SMG6: variants seen among roughly 807,000 people sequenced by gnomAD.
The protein encoded by SMG6 is telomerase-binding protein EST1A.
In SMG6, 66 loss-of-function variants were observed where a neutral mutation model predicts 142.2. The ratio of observed to expected loss-of-function variants is 0.46; its 90% CI spans 0.38 to 0.57. The LOEUF is 0.57. Ranked by LOEUF, SMG6 falls within the 20% of genes least tolerant of loss-of-function variation. SMG6 has a pLI of 0.00. For synonymous variants in SMG6, 779 were observed against 702.4 expected (o/e 1.11, Z -1.72); for missense variants, 1,793 against 1,832.0 (o/e 0.98, Z 0.39).
chr17:2,242,225 T>A (rs1193941908), intron 9 of SMG6, among the ~76,000 whole-genome samples: 1 of 151,842 alleles, frequency 6.6e-6, no homozygotes, highest in Non-Finnish European at 1.5e-5. Flanking sequence ...GAATAAAAGA[T>A]AAATAGGCCG....
In SMG6 at chr17:2,292,905, C is replaced by A; in HGVS notation, c.2224G>T (p.Ala742Ser). 6.2e-7 allele frequency: 1 copy of A among 1,614,158 alleles called. No homozygotes were observed. Among genetic ancestry groups the A allele is most frequent in the Non-Finnish European group, 8.5e-7 (1 of 1,180,008 alleles). The change falls in exon 5 of 19, where the codon GCC (alanine) becomes TCC (serine). Residue 742 changes from alanine (A) to serine (S), a missense_variant. Around this residue, in one of 3 missense-constraint regions of SMG6, gnomAD observed 1,597 missense variants for 1,584.6 expected, o/e 1.01. Transcript: ENST00000263073. Reference sequence around the variant, plus strand: ...TTCCCATAATTCGCTGTATCACTGGCTTGCTCCCGGTACCTAGCAATATCT... The same window carrying A: ...TTCCCATAATTCGCTGTATCACTGGATTGCTCCCGGTACCTAGCAATATCT... ...QGDIARYREQ[A>S]SDTANYGKAR...
intron 13 of SMG6, among the ~76,000 whole-genome samples, chr17:2,170,851 G>T (rs960251234): frequency 2.6e-5 from 4 of 152,090 alleles, no homozygotes; most frequent in East Asian, 1.9e-4. Flanking sequence ...AAAAAATTGG[G>T]AACATTCTCT....
At chr17:2,182,541 G>A (rs1167506718) in intron 12 of SMG6, among the ~76,000 whole-genome samples, 1 of 152,096 alleles carries the variant, frequency 6.6e-6, no homozygotes, top group African/African-American at 2.4e-5. Context: ...AGAAAGAAAA[G>A]GGGAAGAATC....
intron 8 of SMG6, among the ~76,000 whole-genome samples, chr17:2,246,234 C>T (rs2073924032): frequency 6.6e-6 from 1 of 152,144 alleles, no homozygotes; most frequent in Admixed American, 6.5e-5. Context: ...AAAACTAAAC[C>T]TCCTTGTCAT....
In SMG6 at chr17:2,085,432, T is replaced by C. The variant is rs1023577682; in HGVS notation, c.3534+293A>G. On this transcript the variant is annotated intron_variant, in intron 14 of 18. Coordinates refer to ENST00000263073, the MANE Select transcript of SMG6 (RefSeq NM_017575.5). The surrounding 1 kb of genome is among the most constrained non-coding windows in gnomAD (Gnocchi z 4.1). ...TGATCCTGACCACCCCCCTCTCCCT[T>C]TCCTAAGCCTCGAGAGCTGCACATT... Among the ~76,000 whole-genome samples, 2 of 152,118 alleles carry C rather than the reference T, an allele frequency of 1.3e-5. No individual in the cohort carries two copies. The highest frequency in any genetic ancestry group is 4.8e-5 in the African/African-American group (2 of 41,400).
intron 10 of SMG6, among the ~76,000 whole-genome samples, chr17:2,215,136 T>C (rs2072976148): frequency 6.6e-6 from 1 of 152,112 alleles, no homozygotes; most frequent in Non-Finnish European, 1.5e-5. Context: ...TACATTAATT[T>C]TCAAGGACTA....
intron 15 of SMG6, among the ~76,000 whole-genome samples, chr17:2,076,520 T>C (rs1359960973): frequency 6.6e-6 from 1 of 152,194 alleles, no homozygotes; most frequent in East Asian, 1.9e-4. Context: ...AGGAAGCCAA[T>C]GGCCTGAGGG....
At chr17:2,303,336 C>G in intron 1 of SMG6, 1 of 1,171,002 alleles carries the variant, frequency 8.5e-7, no homozygotes, top group Non-Finnish European at 1.1e-6. Flanking sequence ...CCTGGGAATC[C>G]GGGGCGGGTC....
rs1377683435 is a variant in SMG6, at chr17:2,060,941, G to C, written c.*551C>G. On this transcript the variant is annotated 3_prime_UTR_variant, in exon 19 of 19. Coordinates refer to ENST00000263073, the MANE Select transcript of SMG6 (RefSeq NM_017575.5). ...GCTGCTGTTAGGGACATGCTGTCTA[G>C]AAGCCGACTTGGGTTCATGGGCGAG... The C allele has an allele frequency of 2.0e-5, 3 of 153,844 alleles. No homozygotes were observed. The highest frequency in any genetic ancestry group is 7.2e-5 in the African/African-American group (3 of 41,450). 9.5% of individuals were successfully genotyped at this position (153,844 alleles called of 1,614,324 possible).
In SMG6 at chr17:2,244,820, G is replaced by A. The variant is rs1351529435; in HGVS notation, c.2662-101C>T. 17 of 980,486 alleles carry A rather than the reference G, an allele frequency of 1.7e-5. No individual in the cohort carries two copies. The Admixed American group carries it at 3.3e-4, about 19-fold the overall frequency. 60.7% of individuals were successfully genotyped at this position (980,486 alleles called of 1,614,324 possible). A position where few individuals can be genotyped will look rare whatever the true frequency, so the allele number is the denominator to read the frequency against. Reference sequence around the variant, plus strand: ...ACACAATAACCTGGCCAGGGTCTAAGGGGTGGGCACTAGGGATGGGAACCA... The same window carrying A: ...ACACAATAACCTGGCCAGGGTCTAAAGGGTGGGCACTAGGGATGGGAACCA... On this transcript the variant is annotated intron_variant, in intron 8 of 18. Coordinates refer to ENST00000263073, the MANE Select transcript of SMG6 (RefSeq NM_017575.5).
intron 6 of SMG6, among the ~76,000 whole-genome samples, chr17:2,291,148 A>G (rs571797557): frequency 9.2e-4 from 140 of 152,124 alleles, no homozygotes; most frequent in African/African-American, 2.7e-3. Flanking sequence ...TGGCTAACAC[A>G]ATGAAACCCC....
At chr17:2,102,029 C>T (rs1256172630) in intron 13 of SMG6, among the ~76,000 whole-genome samples, 1 of 152,176 alleles carries the variant, frequency 6.6e-6, no homozygotes, top group Admixed American at 6.6e-5. Context: ...GGGCATGGTG[C>T]ACTCCTCCTG....
intron 13 of SMG6, among the ~76,000 whole-genome samples, chr17:2,172,049 C>T (rs1434574127): frequency 6.6e-6 from 1 of 152,214 alleles, no homozygotes; most frequent in Non-Finnish European, 1.5e-5. Context: ...AAGAACTCCA[C>T]AGTCTCCAAC....
intron 8 of SMG6, among the ~76,000 whole-genome samples, chr17:2,250,500 G>A (rs960312648): frequency 4.6e-5 from 7 of 151,152 alleles, no homozygotes; most frequent in African/African-American, 1.7e-4. Flanking sequence ...TGATCCTCCC[G>A]CCTCAGCCTT....
chr17:2,287,627 G>A (rs1278260769), intron 6 of SMG6, among the ~76,000 whole-genome samples: 1 of 152,056 alleles, frequency 6.6e-6, no homozygotes, highest in Non-Finnish European at 1.5e-5. Context: ...ATTCACAATA[G>A]CCAACAGATG....
chr17:2,210,271 G>GTTTTC (rs1205175858), intron 10 of SMG6, among the ~76,000 whole-genome samples: 3 of 150,352 alleles, frequency 2.0e-5, no homozygotes, highest in Non-Finnish European at 4.4e-5. Context: ...AGGATGAACC[G>GTTTTC]TTTTCTTTTC....
chr17:2,223,440 C>T (rs549665368), intron 10 of SMG6, among the ~76,000 whole-genome samples: 7 of 152,242 alleles, frequency 4.6e-5, no homozygotes, highest in South Asian at 4.1e-4. Context: ...CCTAAATAGA[C>T]GACAATCTGC....
intron 1 of SMG6, among the ~76,000 whole-genome samples, chr17:2,302,820 G>A (rs3760229): frequency 0.093 from 14,105 of 152,082 alleles, 1,299 homozygotes; most frequent in East Asian, 0.53. Context: ...GGGGGCGGGG[G>A]GATGGGGAAA....
At position 2,134,147 on chromosome 17, in the gene SMG6, C is replaced by G. The variant is rs937796076; in HGVS notation, c.3357+38511G>C. Among the ~76,000 whole-genome samples, 3 of 152,014 alleles carry G rather than the reference C, an allele frequency of 2.0e-5. No individual in the cohort carries two copies. The East Asian group carries it at 5.8e-4, about 29-fold the overall frequency. ...ATAAATCAGTCTAAGTCTTAATCTTCTCAGCTGTAAAATGTGATAATGCCC... is the reference window on the plus strand; with the variant it reads ...ATAAATCAGTCTAAGTCTTAATCTTGTCAGCTGTAAAATGTGATAATGCCC... On this transcript the variant is annotated intron_variant, in intron 13 of 18. Transcript: ENST00000263073.
Sources: allele counts gnomAD v4.1 joint callset (sites outside exome capture counted in the v4.1 genomes callset), GRCh38; gene constraint gnomAD v4.1.1; regional missense constraint gnomAD v4.1.1; non-coding constraint Gnocchi (gnomAD v3.1); transcripts MANE v1.5; gene names NCBI Gene and HGNC (gene_info 2026-07-23, HGNC 2026-07-21).